Variants in PALS2 observed in about 807,000 individuals in gnomAD.
PALS2 encodes the protein protein PALS2.
A neutral mutation model predicts 61.6 loss-of-function variants in PALS2; 27 were observed. The observed-to-expected ratio is 0.44, with a 90% CI of 0.32 to 0.60. The LOEUF (loss-of-function observed/expected upper bound fraction) is 0.60. Ranked by LOEUF, PALS2 falls within the 20% of genes least tolerant of loss-of-function variation. The probability of loss-of-function intolerance (pLI) is 0.05; values close to 1 mark genes in which losing one functional copy is unlikely to be tolerated. For synonymous variants in PALS2, 236 were observed against 218.6 expected, an observed-to-expected ratio of 1.08 and a Z score of -0.70; for missense variants, 554 against 639.4, an observed-to-expected ratio of 0.87 and a Z score of 1.44.
chr7:24,635,786 A>T (rs1785205325), intron 2 of PALS2, among the ~76,000 whole-genome samples: 1 of 152,148 alleles, frequency 6.6e-6, no homozygotes, highest in African/African-American at 2.4e-5. Context: ...TTTTATGGAT[A>T]TGTCAGGTTT....
Position 24,581,913 on chromosome 7 carries a change from T to C in PALS2, c.-3+8320T>C, listed in dbSNP as rs139565870. Among the ~76,000 whole-genome samples, 162 of 152,332 alleles carry C rather than the reference T, an allele frequency of 1.1e-3. 1 individual carries two copies. The highest frequency in any genetic ancestry group is 3.6e-3 in the African/African-American group (149 of 41,580). On this transcript the variant is annotated intron_variant, in intron 1 of 11. Transcript: ENST00000222644. Reference sequence around the variant, plus strand: ...AAGAGTCATAAACGATTGACACATATCTTAAATAATATATTACTTAAAAAT... The same window carrying C: ...AAGAGTCATAAACGATTGACACATACCTTAAATAATATATTACTTAAAAAT...
intron 1 of PALS2, among the ~76,000 whole-genome samples, chr7:24,592,282 T>C (rs1783317770): frequency 6.6e-6 from 1 of 152,074 alleles, no homozygotes; most frequent in African/African-American, 2.4e-5. Context: ...CTAGGTTGGG[T>C]CAGGGAAGGC....
At chr7:24,584,815 A>C (rs1782994729) in intron 1 of PALS2, among the ~76,000 whole-genome samples, 2 of 151,684 alleles carry the variant, frequency 1.3e-5, no homozygotes. Flanking sequence ...TTAAGTCTTT[A>C]ATCCATCTTG....
At chr7:24,633,571 C>G (rs536025952) in intron 2 of PALS2, among the ~76,000 whole-genome samples, 6 of 149,976 alleles carry the variant, frequency 4.0e-5, no homozygotes, top group Non-Finnish European at 5.9e-5. Context: ...GCACAGTGTT[C>G]TATGAGTCTC....
At chr7:24,594,862 A>G (rs934321615) in intron 1 of PALS2, among the ~76,000 whole-genome samples, 5 of 152,132 alleles carry the variant, frequency 3.3e-5, no homozygotes, top group African/African-American at 1.2e-4. Context: ...AACTGGCATA[A>G]TAGTAATGAA....
intron 8 of PALS2, 137 bp downstream of exon 8, chr7:24,666,226 A>G (rs1351780269): frequency 1.5e-6 from 1 of 669,640 alleles, no homozygotes; most frequent in Non-Finnish European, 2.5e-6. Context: ...ACATATGAAC[A>G]CATGGTGCAA....
chr7:24,668,727 G>T, intron 9 of PALS2, 67 bp downstream of exon 9: 1 of 1,532,874 alleles, frequency 6.5e-7, no homozygotes, highest in Non-Finnish European at 8.9e-7. Flanking sequence ...GGAGGAAAGG[G>T]GGATTATTAT....
chr7:24,597,410 G>A (rs1313259411), intron 1 of PALS2, among the ~76,000 whole-genome samples: 1 of 152,140 alleles, frequency 6.6e-6, no homozygotes, highest in East Asian at 1.9e-4. Flanking sequence ...GGCTGAGATG[G>A]CACGGGTGGA....
Position 24,575,960 on chromosome 7 carries a change from A to AT in PALS2, c.-3+2379dup, listed in dbSNP as rs941015778. On this transcript the variant is annotated intron_variant, in intron 1 of 11. Coordinates refer to ENST00000222644, the MANE Select transcript of PALS2 (RefSeq NM_001303037.2). Reference sequence around the variant, plus strand: ...AGTGATTCACTTGATGAGTGACTAGATTTTTTTTTTTTAAATCAGAACTCT... The same window carrying AT: ...AGTGATTCACTTGATGAGTGACTAGATTTTTTTTTTTTTAAATCAGAACTCT... Among the ~76,000 whole-genome samples, 675 of 148,326 alleles carry AT rather than the reference A, an allele frequency of 4.6e-3. 3 individuals carry two copies. Among genetic ancestry groups the AT allele is most frequent in the African/African-American group, 0.015 (611 of 40,718 alleles).
chr7:24,671,333 A>G (rs540149371), intron 9 of PALS2, among the ~76,000 whole-genome samples: 82 of 152,144 alleles, frequency 5.4e-4, no homozygotes, highest in Middle Eastern at 3.4e-3. Flanking sequence ...TCTTTGGAGG[A>G]ATGTCTGTTC....
chr7:24,620,931 CAT>C (rs1185123751), intron 1 of PALS2, among the ~76,000 whole-genome samples: 1 of 152,004 alleles, frequency 6.6e-6, no homozygotes, highest in African/African-American at 2.4e-5. Context: ...GTTTTCTTCA[CAT>C]ATGTTTGAAG....
intron 1 of PALS2, among the ~76,000 whole-genome samples, chr7:24,604,538 A>G (rs1414938559): frequency 6.6e-6 from 1 of 152,222 alleles, no homozygotes; most frequent in African/African-American, 2.4e-5. Flanking sequence ...AGTTTCAGAC[A>G]GAAAGGAAAG....
At chr7:24,634,036 T>C (rs1356877513) in intron 2 of PALS2, among the ~76,000 whole-genome samples, 1 of 152,218 alleles carries the variant, frequency 6.6e-6, no homozygotes, top group Non-Finnish European at 1.5e-5. Flanking sequence ...TGGAGAAATA[T>C]CTGTTTAGAT....
chr7:24,583,583 A>G (rs1782932338), intron 1 of PALS2, among the ~76,000 whole-genome samples: 1 of 151,702 alleles, frequency 6.6e-6, no homozygotes, highest in African/African-American at 2.4e-5. Context: ...AAGTGGTTAT[A>G]AATCCTAGGA....
intron 2 of PALS2, among the ~76,000 whole-genome samples, chr7:24,624,884 G>A (rs1784676316): frequency 1.3e-5 from 2 of 152,022 alleles, no homozygotes; most frequent in African/African-American, 2.4e-5. Context: ...ACAGGCATAA[G>A]CCACCAGGCC....
chr7:24,640,779 C>A (rs71537295), intron 2 of PALS2, among the ~76,000 whole-genome samples: 13,483 of 151,412 alleles, frequency 0.089, 1,246 homozygotes, highest in East Asian at 0.49. Flanking sequence ...GAGGCCGAGG[C>A]GGGTGGATCA....
intron 1 of PALS2, among the ~76,000 whole-genome samples, chr7:24,613,775 C>T (rs1204639580): frequency 1.3e-5 from 2 of 151,844 alleles, no homozygotes; most frequent in East Asian, 3.8e-4. Context: ...CTAGTAACCT[C>T]TGTTCTACTT....
rs776577296 is a variant in PALS2 at position 24,671,172 on chromosome 7, A to G, written c.1114+2512A>G. Among the ~76,000 whole-genome samples the G allele has an allele frequency of 6.1e-4, 93 of 152,278 alleles. 1 individual carries two copies. Among genetic ancestry groups the G allele is most frequent in the Admixed American group, 2.7e-3 (42 of 15,292 alleles). On this transcript the variant is annotated intron_variant, in intron 9 of 11. Transcript: ENST00000222644. ...AGCATATGAAGTTTCCAGTTTCTCT[A>G]CATCCTCACCAACATTTGTCATCTG... is the stretch of plus-strand genomic sequence containing the variant.
At chr7:24,630,497 AAAAG>A (rs1490283632) in intron 2 of PALS2, among the ~76,000 whole-genome samples, 2 of 152,108 alleles carry the variant, frequency 1.3e-5, no homozygotes, top group Non-Finnish European at 2.9e-5. Flanking sequence ...ATTTTTAAAA[AAAAG>A]AAGAAGAAGC....
Sources: gnomAD v4.1 joint callset for allele counts (sites outside exome capture counted in the v4.1 genomes callset) on GRCh38, gnomAD v4.1.1 for gene constraint, MANE v1.5 for transcripts, NCBI Gene and HGNC (gene_info 2026-07-23, HGNC 2026-07-21) for gene names.